The following CHL1 variants were observed in gnomAD, a reference collection of about 807,000 sequenced individuals.
CHL1 encodes the protein cell adhesion molecule L1 like.
Under a neutral mutation model 141.9 loss-of-function variants are expected in CHL1, and 96 were observed. The observed-to-expected ratio is 0.68, with a 90% confidence interval of 0.57 to 0.80. CHL1 has a LOEUF of 0.80. Ranked by LOEUF, CHL1 falls within the 30% of genes least tolerant of loss-of-function variation. The pLI is 0.00. For missense variants in CHL1, 1,820 were observed against 1,457.2 expected, an observed-to-expected ratio of 1.25 and a Z score of -4.05; for synonymous variants, 613 against 502.2, an observed-to-expected ratio of 1.22 and a Z score of -2.95.
chr3:315,685 A>G (rs1370953846), intron 2 of CHL1, among the ~76,000 whole-genome samples: 2 of 152,054 alleles, frequency 1.3e-5, no homozygotes, highest in Admixed American at 6.6e-5. Flanking sequence ...TCTTGAAATC[A>G]GTGTATTCTT....
At chr3:323,618 C>A (rs556107921) in intron 3 of CHL1, among the ~76,000 whole-genome samples, 3 of 152,120 alleles carry the variant, frequency 2.0e-5, no homozygotes, top group African/African-American at 7.2e-5. Context: ...TTTTTAACTA[C>A]GTTATCTGTG....
At chr3:316,398 G>A (rs1700154704) in intron 2 of CHL1, among the ~76,000 whole-genome samples, 1 of 150,610 alleles carries the variant, frequency 6.6e-6, no homozygotes, top group Admixed American at 6.6e-5. Context: ...AAGTTATTGT[G>A]GCTTTTGATG....
chr3:394,430 GC>G (rs1355931241), intron 23 of CHL1, among the ~76,000 whole-genome samples: 2 of 152,056 alleles, frequency 1.3e-5, no homozygotes, highest in Admixed American at 1.3e-4. Flanking sequence ...GGGTCAAAAG[GC>G]CATGGTTTGG....
chr3:386,015 C>CA (rs1707665241), intron 19 of CHL1, among the ~76,000 whole-genome samples: 1 of 151,910 alleles, frequency 6.6e-6, no homozygotes, highest in Non-Finnish European at 1.5e-5. Context: ...ACTACTGACA[C>CA]AGCCAGTGAA....
At chr3:287,617 C>G (rs1697279165) in intron 2 of CHL1, among the ~76,000 whole-genome samples, 1 of 152,174 alleles carries the variant, frequency 6.6e-6, no homozygotes, top group Admixed American at 6.5e-5. Context: ...GTAATATTTA[C>G]AATACATAGA....
chr3:220,894 AG>A (rs1454024187), intron 1 of CHL1, among the ~76,000 whole-genome samples: 1 of 152,216 alleles, frequency 6.6e-6, no homozygotes, highest in Admixed American at 6.5e-5. Context: ...CACCTTCGAA[AG>A]TCTGATAAAC....
At chr3:384,852 G>A (rs1707482510) in intron 19 of CHL1, among the ~76,000 whole-genome samples, 1 of 152,076 alleles carries the variant, frequency 6.6e-6, no homozygotes, top group South Asian at 2.1e-4. Context: ...AGTTTAGTTT[G>A]CTTTTTATCC....
At chr3:310,961 C>A (rs935898320) in intron 2 of CHL1, among the ~76,000 whole-genome samples, 4 of 152,168 alleles carry the variant, frequency 2.6e-5, no homozygotes, top group Non-Finnish European at 4.4e-5. Context: ...TCCAGAGTGT[C>A]GTGTAGTTAG....
intron 2 of CHL1, among the ~76,000 whole-genome samples, chr3:275,931 A>T (rs1006163029): frequency 2.0e-5 from 3 of 152,102 alleles, no homozygotes; most frequent in African/African-American, 7.2e-5. Context: ...TAAGTAGTTT[A>T]TATTTTACCT....
At chr3:282,090 A>G (rs1034166128) in intron 2 of CHL1, among the ~76,000 whole-genome samples, 4 of 152,146 alleles carry the variant, frequency 2.6e-5, no homozygotes, top group South Asian at 4.2e-4. Flanking sequence ...CTTGTTTTTC[A>G]TTAAATAAAT....
In CHL1 at chr3:285,124, A is replaced by G. The variant is rs140949248; in HGVS notation, c.-94-34559A>G. The stretch of plus-strand genomic sequence containing the variant: ...GCATGTTTTCAAGCATAATTGAAAT[A>G]ATTAGAATAAGTTTCATTATCACCT... On this transcript the variant is annotated intron_variant, in intron 2 of 27. Transcript: ENST00000256509. Among the ~76,000 whole-genome samples the G allele has an allele frequency of 6.4e-3, 978 of 152,364 alleles. 6 individuals are homozygous for G. The highest frequency in any genetic ancestry group is 0.011 in the Admixed American group (168 of 15,306).
intron 2 of CHL1, among the ~76,000 whole-genome samples, chr3:267,816 T>A (rs1416242167): frequency 1.3e-5 from 2 of 152,210 alleles, no homozygotes; most frequent in Non-Finnish European, 2.9e-5. Flanking sequence ...GAAAATAGAT[T>A]TAAAATGTGA....
At chr3:328,487 A>G (rs1230584927) in intron 5 of CHL1, 133 bp downstream of exon 5, 2 of 697,212 alleles carry the variant, frequency 2.9e-6, no homozygotes, top group Non-Finnish European at 4.3e-6. Flanking sequence ...TTTATTTATA[A>G]GGAAAAATTT....
intron 14 of CHL1, among the ~76,000 whole-genome samples, chr3:365,425 C>G (rs1183878735): frequency 6.6e-6 from 1 of 152,182 alleles, no homozygotes. Context: ...CTTCTAGGCT[C>G]TGGAGACACT....
chr3:261,073 C>T (rs903310025), intron 2 of CHL1, among the ~76,000 whole-genome samples: 1 of 152,144 alleles, frequency 6.6e-6, no homozygotes, highest in African/African-American at 2.4e-5. Context: ...CATCACTAGT[C>T]ACTACTTCTG....
At chr3:293,357 G>A (rs1697878332) in intron 2 of CHL1, among the ~76,000 whole-genome samples, 1 of 152,028 alleles carries the variant, frequency 6.6e-6, no homozygotes, top group South Asian at 2.1e-4. Context: ...CAAAAAATTA[G>A]CCGGGCATGA....
chr3:364,259 C>T (rs56314608), intron 14 of CHL1, among the ~76,000 whole-genome samples: 32 of 152,242 alleles, frequency 2.1e-4, no homozygotes, highest in African/African-American at 7.2e-4. Context: ...GCCAGCCCCA[C>T]AGACTATATT....
chr3:263,075 A>C (rs1694867284), intron 2 of CHL1, among the ~76,000 whole-genome samples: 1 of 152,252 alleles, frequency 6.6e-6, no homozygotes, highest in Non-Finnish European at 1.5e-5. Context: ...AGTGAGGGAA[A>C]TTTGGAGAGT....
At chr3:233,306 C>T (rs1702023265) in intron 1 of CHL1, among the ~76,000 whole-genome samples, 2 of 152,114 alleles carry the variant, frequency 1.3e-5, no homozygotes. Flanking sequence ...CATGTATCTT[C>T]TTGACTGTGC....
Sources: allele counts gnomAD v4.1 joint callset (sites outside exome capture counted in the v4.1 genomes callset), GRCh38; gene constraint gnomAD v4.1.1; transcripts MANE v1.5; gene names NCBI Gene and HGNC (gene_info 2026-07-23, HGNC 2026-07-21).